The following CCDC60 variants were observed in gnomAD, a reference collection of about 807,000 sequenced individuals.
CCDC60 encodes coiled-coil domain containing 60, also known as coiled-coil domain-containing protein 60.
CCDC60 carries 54 observed loss-of-function variants against 63.5 expected under a neutral mutation model. The ratio of observed to expected loss-of-function variants is 0.85; its 90% CI spans 0.68 to 1.07. The LOEUF (loss-of-function observed/expected upper bound fraction) is 1.07, where lower values mean the gene tolerates loss of function less well. Ranked by LOEUF, CCDC60 falls within the 50% of genes least tolerant of loss-of-function variation. The pLI is 0.00. For synonymous variants in CCDC60, 206 were observed against 238.8 expected (o/e 0.86, Z 1.27); for missense variants, 651 against 684.3 (o/e 0.95, Z 0.54).
intron 8 of CCDC60, among the ~76,000 whole-genome samples, chr12:119,519,413 G>A (rs1042087940): frequency 1.5e-5 from 2 of 137,190 alleles, no homozygotes; most frequent in African/African-American, 5.9e-5. Flanking sequence ...GTGTGTGTGT[G>A]TGTGTGTGTG....
intron 1 of CCDC60, among the ~76,000 whole-genome samples, chr12:119,359,843 G>A (rs927636591): frequency 4.6e-5 from 7 of 151,918 alleles, no homozygotes; most frequent in African/African-American, 1.5e-4. Flanking sequence ...AGAGCACAGG[G>A]TTGGGGGTAA....
chr12:119,344,855 T>TCTCACA (rs1232194303), intron 1 of CCDC60, among the ~76,000 whole-genome samples: 1,644 of 114,844 alleles, frequency 0.014, 56 homozygotes, highest in East Asian at 0.14. Context: ...TCTCTCTCTC[T>TCTCACA]CACACACACA....
In CCDC60 at chr12:119,461,612, T is replaced by C. The variant is rs77848501; in HGVS notation, c.171-10382T>C. Among the ~76,000 whole-genome samples, 733 of 152,296 alleles carry C rather than the reference T, an allele frequency of 4.8e-3. 7 individuals carry two copies. The highest frequency in any genetic ancestry group is 0.017 in the African/African-American group (692 of 41,562). On this transcript the variant is annotated intron_variant, in intron 2 of 13. Coordinates refer to ENST00000327554, the MANE Select transcript of CCDC60 (RefSeq NM_178499.5). ...CTCCCATGCACTGGTTGAGAAGAAA[T>C]TGTATTGCATAGAGAAAACTTTCCA...
chr12:119,337,453 C>T (rs1955483269), intron 1 of CCDC60, among the ~76,000 whole-genome samples: 1 of 152,168 alleles, frequency 6.6e-6, no homozygotes, highest in African/African-American at 2.4e-5. Flanking sequence ...ATCTGCAAAA[C>T]GGGAATGTCA....
intron 5 of CCDC60, among the ~76,000 whole-genome samples, chr12:119,495,510 C>T (rs1300317436): frequency 2.6e-5 from 4 of 152,174 alleles, no homozygotes; most frequent in East Asian, 1.9e-4. Flanking sequence ...TCTGCTGTGG[C>T]GTTTATCAGC....
At chr12:119,498,024 G>A (rs141792498) in intron 5 of CCDC60, among the ~76,000 whole-genome samples, 111 of 152,208 alleles carry the variant, frequency 7.3e-4, no homozygotes, top group Non-Finnish European at 1.4e-3. Flanking sequence ...TCACCAGCCC[G>A]ACTTCCACTT....
In CCDC60 at chr12:119,398,161, G is replaced by A. The variant is rs562935076; in HGVS notation, c.91-30522G>A. Among the ~76,000 whole-genome samples, 193 of 149,478 alleles carry A rather than the reference G, an allele frequency of 1.3e-3. 2 individuals are homozygous for A. Among genetic ancestry groups the A allele is most frequent in the African/African-American group, 3.7e-3 (152 of 40,594 alleles). On this transcript the variant is annotated intron_variant, in intron 1 of 13. Transcript: ENST00000327554. ...GGAAGGCGGGGGGCTCAGGCATGGC[G>A]GGCTGCAGGTCCGAGCCCTGCCCTG...
intron 1 of CCDC60, among the ~76,000 whole-genome samples, chr12:119,353,906 C>T (rs1955688750): frequency 6.6e-6 from 1 of 152,128 alleles, no homozygotes; most frequent in Non-Finnish European, 1.5e-5. Context: ...AACCCCGTCT[C>T]TATCAAAAAT....
intron 1 of CCDC60, among the ~76,000 whole-genome samples, chr12:119,370,647 G>C (rs1955888433): frequency 6.6e-6 from 1 of 152,204 alleles, no homozygotes; most frequent in Non-Finnish European, 1.5e-5. Context: ...CCTAGGCCTT[G>C]AAGGCTGAAA....
At chr12:119,445,878 G>A (rs1593099214) in intron 2 of CCDC60, among the ~76,000 whole-genome samples, 1 of 152,098 alleles carries the variant, frequency 6.6e-6, no homozygotes, top group African/African-American at 2.4e-5. Flanking sequence ...AAGCTATGAG[G>A]ACGCAAAGGC....
chr12:119,523,216 A>G (rs1221698996), intron 10 of CCDC60, among the ~76,000 whole-genome samples: 1 of 152,236 alleles, frequency 6.6e-6, no homozygotes, highest in Non-Finnish European at 1.5e-5. Flanking sequence ...CCGCTGTGCC[A>G]GGCACCATGA....
At chr12:119,380,341 A>G (rs1955995333) in intron 1 of CCDC60, among the ~76,000 whole-genome samples, 1 of 152,204 alleles carries the variant, frequency 6.6e-6, no homozygotes, top group Non-Finnish European at 1.5e-5. Flanking sequence ...TGATGGGAAT[A>G]TTTACACCAT....
chr12:119,401,814 G>T (rs78678475), intron 1 of CCDC60, among the ~76,000 whole-genome samples: 3,489 of 152,270 alleles, frequency 0.023, 50 homozygotes, highest in Non-Finnish European at 0.033. Context: ...TAACGCCCTG[G>T]TGTCATGAGC....
At chr12:119,453,700 C>T (rs566870437) in intron 2 of CCDC60, among the ~76,000 whole-genome samples, 69 of 152,260 alleles carry the variant, frequency 4.5e-4, no homozygotes, top group African/African-American at 1.6e-3. Flanking sequence ...AAACCACCAT[C>T]CTGGTCATGT....
At chr12:119,352,407 G>A (rs760954590) in intron 1 of CCDC60, among the ~76,000 whole-genome samples, 1 of 152,178 alleles carries the variant, frequency 6.6e-6, no homozygotes, top group Non-Finnish European at 1.5e-5. Context: ...ACAGTGTTTT[G>A]AAACCTGAGG....
chr12:119,353,598 C>CTTT (rs71072514), intron 1 of CCDC60, among the ~76,000 whole-genome samples: 688 of 68,274 alleles, frequency 0.01, 1 homozygote, highest in African/African-American at 0.012. Flanking sequence ...TCTTCTTCTT[C>CTTT]TTTTTTTTTT....
In CCDC60 at chr12:119,410,774, G is replaced by A. The variant is rs1037420215; in HGVS notation, c.91-17909G>A. ...ACAATTTTTTTTGAGACAGAGTCTCGCTCTGTCACTCGGGCTGCAGTGCGG... is the reference window on the plus strand; with the variant it reads ...ACAATTTTTTTTGAGACAGAGTCTCACTCTGTCACTCGGGCTGCAGTGCGG... On this transcript the variant is annotated intron_variant, in intron 1 of 13. Coordinates refer to ENST00000327554, the MANE Select transcript of CCDC60 (RefSeq NM_178499.5). The surrounding 1 kb of genome is among the most constrained non-coding windows in gnomAD (Gnocchi z 4.0). 3.3e-5 allele frequency among the ~76,000 whole-genome samples: 5 copies of A among 152,026 alleles called. No individual in the cohort carries two copies. Among genetic ancestry groups the A allele is most frequent in the African/African-American group, 1.2e-4 (5 of 41,346 alleles).
intron 1 of CCDC60, among the ~76,000 whole-genome samples, chr12:119,390,216 C>T (rs557121703): frequency 6.6e-6 from 1 of 152,278 alleles, no homozygotes; most frequent in South Asian, 2.1e-4. Context: ...CAGAACATTC[C>T]CTTAATAAAC....
chr12:119,523,784 T>C lies in CCDC60; in HGVS notation c.1195T>C (p.Phe399Leu). The change falls in exon 11 of 14, where the codon TTC becomes CTC. Residue 399 changes from phenylalanine (F) to leucine (L), a missense_variant. By Grantham distance (22) the Phe-to-Leu change is conservative. Transcript: ENST00000327554. ...TTACAGCGTAGCCCAGGAGGCTGGCTTCTGCCTGCAGGACAAGATGGAAAT... is the reference window on the plus strand; with the variant it reads ...TTACAGCGTAGCCCAGGAGGCTGGCCTCTGCCTGCAGGACAAGATGGAAAT... The part of the protein sequence containing the change: ...KFYSVAQEAG[F>L]CLQDKMEILM... The C allele has an allele frequency of 6.2e-7, 1 of 1,614,200 alleles. No homozygotes were observed. Among genetic ancestry groups the C allele is most frequent in the Non-Finnish European group, 8.5e-7 (1 of 1,180,012 alleles).
Sources: allele counts gnomAD v4.1 joint callset (sites outside exome capture counted in the v4.1 genomes callset), GRCh38; gene constraint gnomAD v4.1.1; non-coding constraint Gnocchi (gnomAD v3.1); transcripts MANE v1.5; gene names NCBI Gene and HGNC (gene_info 2026-07-23, HGNC 2026-07-21).